FAR2: variants seen among roughly 807,000 people sequenced by gnomAD.
FAR2 encodes the protein fatty acyl-CoA reductase 2, also known as epididymis secretory protein Li 81.
A neutral mutation model predicts 56.0 loss-of-function variants in FAR2; 19 were observed. That is an observed-to-expected ratio of 0.34 (90% CI 0.24 to 0.50). FAR2 has a LOEUF of 0.50. Ranked by LOEUF, FAR2 falls within the 20% of genes least tolerant of loss-of-function variation. The pLI is 0.98. For synonymous variants in FAR2, 219 were observed against 218.8 expected (o/e 1.00, Z -0.01); for missense variants, 508 against 642.2 (o/e 0.79, Z 2.26).
chr12:29,183,014 A>C, intron 1 of FAR2, among the ~76,000 whole-genome samples: 1 of 144,372 alleles, frequency 6.9e-6, no homozygotes, highest in Non-Finnish European at 1.5e-5. Flanking sequence ...TTCCTCCATC[A>C]CTCCACTAAA....
intron 9 of FAR2, 53 bp downstream of exon 9, chr12:29,317,065 C>T: frequency 2.6e-6 from 4 of 1,532,880 alleles, no homozygotes; most frequent in Non-Finnish European, 3.5e-6. Flanking sequence ...GAGATTAAGG[C>T]CCCAAAATCT....
chr12:29,233,408 T>C lies in FAR2; in HGVS notation c.-38-37004T>C, dbSNP rs1698920847. On this transcript the variant is annotated intron_variant, in intron 1 of 11. Coordinates refer to ENST00000536681, the MANE Select transcript of FAR2 (RefSeq NM_001271783.2). ...ACTCTTCACTATCCTCCTCAAGCCC[T>C]CTAACCCACAATTTCCATACCATTT... 2.6e-5 allele frequency among the ~76,000 whole-genome samples: 4 copies of C among 152,176 alleles called. No individual in the cohort carries two copies. In the South Asian group the frequency reaches 8.3e-4, roughly 31 times the overall value.
At chr12:29,263,869 T>G (rs1948465797) in intron 1 of FAR2, among the ~76,000 whole-genome samples, 1 of 151,970 alleles carries the variant, frequency 6.6e-6, no homozygotes, top group Non-Finnish European at 1.5e-5. Flanking sequence ...TGCTGAATTT[T>G]ACCAGACATC....
At chr12:29,168,431 G>T (rs1949851815) in intron 1 of FAR2, among the ~76,000 whole-genome samples, 1 of 152,210 alleles carries the variant, frequency 6.6e-6, no homozygotes, top group Non-Finnish European at 1.5e-5. Context: ...ATGTTCAGAT[G>T]TTTCAAAAGC....
At chr12:29,165,386 A>T (rs1002026496) in intron 1 of FAR2, among the ~76,000 whole-genome samples, 9 of 152,236 alleles carry the variant, frequency 5.9e-5, no homozygotes, top group Admixed American at 2.0e-4. Context: ...CTTTACAAAA[A>T]GTTTGTCGCA....
rs1591975740 is a variant in FAR2 at position 29,328,099 on chromosome 12, T to C, written c.1258-4501T>C. On this transcript the variant is annotated intron_variant, in intron 10 of 11. Coordinates refer to ENST00000536681, the MANE Select transcript of FAR2 (RefSeq NM_001271783.2). The stretch of plus-strand genomic sequence containing the variant: ...CCCATCAAAAAGTGGGCTAAGGATA[T>C]GAACAGACACTTCTCAAAAGAAGAC... Among the ~76,000 whole-genome samples, 8 of 152,216 alleles carry C rather than the reference T, an allele frequency of 5.3e-5. 1 individual carries two copies. Among genetic ancestry groups the C allele is most frequent in the African/African-American group, 1.9e-4 (8 of 41,526 alleles).
chr12:29,301,029 C>T (rs1019066205), intron 4 of FAR2, among the ~76,000 whole-genome samples: 2 of 152,068 alleles, frequency 1.3e-5, no homozygotes, highest in African/African-American at 4.8e-5. Flanking sequence ...TCATTCAGCT[C>T]CCCCCATTTT....
intron 3 of FAR2, 89 bp downstream of exon 3, chr12:29,293,564 C>A: frequency 1.7e-6 from 2 of 1,208,614 alleles, no homozygotes; most frequent in South Asian, 2.6e-5. Flanking sequence ...GAAATACACT[C>A]TAAACAAAAA....
intron 2 of FAR2, among the ~76,000 whole-genome samples, chr12:29,275,971 T>G (rs539663057): frequency 4.5e-4 from 68 of 152,310 alleles, no homozygotes; most frequent in Non-Finnish European, 1.8e-4. Context: ...GGTCCCAATA[T>G]CAGCAGCATT....
At chr12:29,272,098 A>G (rs1235193091) in intron 2 of FAR2, among the ~76,000 whole-genome samples, 1 of 152,106 alleles carries the variant, frequency 6.6e-6, no homozygotes, top group African/African-American at 2.4e-5. Flanking sequence ...CCCCTAATGC[A>G]CTTTGTTTTC....
chr12:29,185,402 A>G (rs1002217527), intron 1 of FAR2, among the ~76,000 whole-genome samples: 3 of 152,250 alleles, frequency 2.0e-5, no homozygotes, highest in African/African-American at 7.2e-5. Flanking sequence ...GATCCTGCTT[A>G]CAGCACAAAA....
At chr12:29,269,716 A>G (rs540159009) in intron 1 of FAR2, among the ~76,000 whole-genome samples, 173 of 152,366 alleles carry the variant, frequency 1.1e-3, no homozygotes, top group Middle Eastern at 3.4e-3. Context: ...TTCTTCTGCC[A>G]TGGCTTCAGC....
chr12:29,165,310 A>C (rs1240736179), intron 1 of FAR2, among the ~76,000 whole-genome samples: 4 of 152,206 alleles, frequency 2.6e-5, no homozygotes, highest in African/African-American at 9.6e-5. Context: ...TGAAATTCAG[A>C]ATTACAAATT....
At position 29,296,973 on chromosome 12, in the gene FAR2, T is replaced by C. The variant is rs749429048; in HGVS notation, c.366-48T>C. On this transcript the variant is annotated intron_variant, in intron 3 of 11. Coordinates refer to ENST00000536681, the MANE Select transcript of FAR2 (RefSeq NM_001271783.2). ...GAGTAGGTGCAGTTATAGCAAGGCA[T>C]GATACTGACTTACTTCATTGTATTT... The C allele has an allele frequency of 4.0e-6, 6 of 1,508,792 alleles. No homozygotes were observed. In the Admixed American group the frequency reaches 1.3e-4, roughly 32 times the overall value. The allele number at this position is 1,508,792 out of a possible 1,614,324, so 93.5% of individuals were successfully genotyped here. A position where few individuals can be genotyped will look rare whatever the true frequency, so the allele number is the denominator to read the frequency against.
At chr12:29,174,376 T>C (rs1248869972) in intron 1 of FAR2, among the ~76,000 whole-genome samples, 2 of 151,638 alleles carry the variant, frequency 1.3e-5, no homozygotes, top group Non-Finnish European at 1.5e-5. Flanking sequence ...AAATTATTCT[T>C]ATAGGAGAAA....
intron 1 of FAR2, among the ~76,000 whole-genome samples, chr12:29,192,279 G>A (rs1291516534): frequency 6.6e-6 from 1 of 152,168 alleles, no homozygotes; most frequent in Non-Finnish European, 1.5e-5. Context: ...TTTGATTTAT[G>A]CACATTTTAT....
intron 11 of FAR2, 125 bp downstream of exon 11, chr12:29,332,852 AC>A (rs747507562): frequency 1.2e-6 from 1 of 864,498 alleles, no homozygotes; most frequent in South Asian, 1.4e-5. Context: ...CAGGTCCTGC[AC>A]TCCATACTCT....
At chr12:29,203,999 C>CAGAAAAAA (rs1947448602) in intron 1 of FAR2, among the ~76,000 whole-genome samples, 4 of 68,116 alleles carry the variant, frequency 5.9e-5, no homozygotes, top group East Asian at 4.5e-4. Flanking sequence ...GATTCCATCT[C>CAGAAAAAA]AAAAAAAAAA....
chr12:29,294,499 C>T (rs890706581), intron 3 of FAR2, among the ~76,000 whole-genome samples: 1 of 152,214 alleles, frequency 6.6e-6, no homozygotes, highest in East Asian at 1.9e-4. Flanking sequence ...GGGTGCCTGC[C>T]ACCACGCTCG....
Sources: gnomAD v4.1 joint callset for allele counts (sites outside exome capture counted in the v4.1 genomes callset) on GRCh38, gnomAD v4.1.1 for gene constraint, MANE v1.5 for transcripts, NCBI Gene and HGNC (gene_info 2026-07-23, HGNC 2026-07-21) for gene names.